Variants in ZBTB40 observed in about 807,000 individuals in gnomAD.
The protein encoded by ZBTB40 is zinc finger and BTB domain containing 40.
ZBTB40 carries 60 observed loss-of-function variants against 117.5 expected under a neutral mutation model. The ratio of observed to expected loss-of-function variants is 0.51; its 90% CI spans 0.41 to 0.63. The LOEUF (loss-of-function observed/expected upper bound fraction) is 0.63. Ranked by LOEUF, ZBTB40 falls within the 30% of genes least tolerant of loss-of-function variation. The pLI, the probability that ZBTB40 is intolerant of heterozygous loss-of-function variation, is 0.00. For synonymous variants in ZBTB40, 525 were observed against 577.1 expected, an observed-to-expected ratio of 0.91 and a Z score of 1.29; for missense variants, 1,287 against 1,498.5, an observed-to-expected ratio of 0.86 and a Z score of 2.33.
At chr1:22,488,120 C>A (rs1638525349) in intron 1 of ZBTB40, among the ~76,000 whole-genome samples, 1 of 152,184 alleles carries the variant, frequency 6.6e-6, no homozygotes, top group South Asian at 2.1e-4. Flanking sequence ...AACTCCTGGA[C>A]TCTCCTATCC....
intron 1 of ZBTB40, among the ~76,000 whole-genome samples, chr1:22,435,348 C>A (rs1422974947): frequency 6.6e-6 from 1 of 152,132 alleles, no homozygotes; most frequent in Non-Finnish European, 1.5e-5. Context: ...TTTTATCTTG[C>A]CTTGCTATTG....
upstream of ZBTB40, among the ~76,000 whole-genome samples, chr1:22,449,216 CTCGGGCA>C (rs1477026323): frequency 6.6e-6 from 1 of 152,134 alleles, no homozygotes; most frequent in Non-Finnish European, 1.5e-5. Context: ...GCAGAGGCAC[CTCGGGCA>C]TCTTACACTG....
In ZBTB40 at chr1:22,512,129, C is replaced by T. The variant is rs773704653; in HGVS notation, c.2456C>T (p.Ala819Val). Reference sequence around the variant, plus strand: ...CTCTGTGGCAGAGAATTTGCCCATGCCTCAGGTACGTTCAAGAAGGCAAAG... The same window carrying T: ...CTCTGTGGCAGAGAATTTGCCCATGTCTCAGGTACGTTCAAGAAGGCAAAG... ...CDLCGREFAHASGMQYHKLTE... is the reference protein window; with the variant it reads ...CDLCGREFAHVSGMQYHKLTE... The change falls in exon 11 of 18, where the codon GCC (alanine) becomes GTC (valine). Residue 819 changes from alanine to valine, a missense_variant. By Grantham distance (64) the Ala-to-Val change is moderately conservative. Coordinates refer to ENST00000375647, the MANE Select transcript of ZBTB40 (RefSeq NM_014870.4). 1.2e-6 allele frequency: 2 copies of T among 1,612,896 alleles called. No homozygotes were observed. The highest frequency in any genetic ancestry group is 1.7e-6 in the Non-Finnish European group (2 of 1,180,016).
intron 13 of ZBTB40, 46 bp downstream of exon 13, chr1:22,517,510 C>CTGGGAAAGCGTGTCAAT: frequency 6.3e-7 from 1 of 1,591,054 alleles, no homozygotes; most frequent in Non-Finnish European, 8.6e-7. Flanking sequence ...CAGCCTGGCA[C>CTGGGAAAGCGTGTCAAT]TGGGAAAGCG....
At chr1:22,522,927 C>T (rs1009797206) in intron 16 of ZBTB40, among the ~76,000 whole-genome samples, 22 of 139,300 alleles carry the variant, frequency 1.6e-4, no homozygotes, top group Non-Finnish European at 3.1e-4. Context: ...CCACCATGCT[C>T]GACTAAATAA....
chr1:22,519,747 A>T, intron 13 of ZBTB40: 21 of 389,774 alleles, frequency 5.4e-5, no homozygotes, highest in East Asian at 1.2e-4. Context: ...CCAGGGTGAA[A>T]CTCCCTGGAA....
chr1:22,449,617 T>C (rs1016856744), upstream of ZBTB40, among the ~76,000 whole-genome samples: 9 of 152,220 alleles, frequency 5.9e-5, no homozygotes, highest in Non-Finnish European at 1.3e-4. Flanking sequence ...TTGGGAGATG[T>C]CTAAAACAAT....
At chr1:22,446,032 C>T (rs927396510) in intron 1 of ZBTB40, among the ~76,000 whole-genome samples, 14 of 151,808 alleles carry the variant, frequency 9.2e-5, no homozygotes, top group African/African-American at 2.7e-4. Flanking sequence ...AAGGAGACAG[C>T]GTGCAAGAAC....
At chr1:22,433,388 G>A (rs1476308044) in intron 1 of ZBTB40, among the ~76,000 whole-genome samples, 4 of 121,874 alleles carry the variant, frequency 3.3e-5, no homozygotes, top group Admixed American at 1.0e-4. Flanking sequence ...AGCCAATATC[G>A]CACCACTGCA....
intron 3 of ZBTB40, among the ~76,000 whole-genome samples, chr1:22,494,409 G>A (rs942028036): frequency 6.6e-6 from 1 of 152,182 alleles, no homozygotes; most frequent in East Asian, 1.9e-4. Context: ...TCAGTCTCTA[G>A]CAATGTATAG....
Position 22,517,462 on chromosome 1 carries a change from A to G in ZBTB40, c.2831A>G (p.His944Arg). The stretch of plus-strand genomic sequence containing the variant: ...CTCTCCATCCATCTGCACACCTTTC[A>G]CAGTATGTAGAGACTGTGGATCTCA... Reference protein sequence around the residue: ...NGLSIHLHTFHNIEDPYDCKK... With the variant: ...NGLSIHLHTFRNIEDPYDCKK... The change falls in exon 13 of 18, where the codon CAC becomes CGC. Residue 944 changes from histidine (H) to arginine (R), a missense_variant and splice_region_variant. Physicochemically the swap from His to Arg is conservative, Grantham distance 29. Around this residue, in one of 2 missense-constraint regions of ZBTB40, gnomAD observed 417 missense variants for 564.1 expected, o/e 0.74. Transcript: ENST00000375647. 6.2e-7 allele frequency: 1 copy of G among 1,613,550 alleles called. No homozygotes were observed. Among genetic ancestry groups the G allele is most frequent in the Non-Finnish European group, 8.5e-7 (1 of 1,179,888 alleles).
chr1:22,494,833 G>A (rs1304291969), intron 3 of ZBTB40, among the ~76,000 whole-genome samples: 1 of 152,168 alleles, frequency 6.6e-6, no homozygotes, highest in Non-Finnish European at 1.5e-5. Flanking sequence ...CCTGCCACGT[G>A]TGTGATTATT....
chr1:22,517,825 G>A (rs572943765), intron 13 of ZBTB40, among the ~76,000 whole-genome samples: 24 of 152,208 alleles, frequency 1.6e-4, no homozygotes, highest in African/African-American at 5.3e-4. Flanking sequence ...GCCTTTTCCC[G>A]TAGGAGCAGT....
chr1:22,508,213 T>G, intron 7 of ZBTB40, 76 bp downstream of exon 7: 1 of 1,500,756 alleles, frequency 6.7e-7, no homozygotes, highest in African/African-American at 1.4e-5. Context: ...CACACACACA[T>G]TTATATTTTC....
At chr1:22,473,472 T>C (rs1442177926) in intron 1 of ZBTB40, among the ~76,000 whole-genome samples, 2 of 152,158 alleles carry the variant, frequency 1.3e-5, no homozygotes, top group African/African-American at 2.4e-5. Context: ...GGAGGTGATA[T>C]GGAGAAAGAG....
At position 22,517,363 on chromosome 1, in the gene ZBTB40, A is replaced by T; in HGVS notation, c.2732A>T (p.His911Leu). The change falls in exon 13 of 18, where the codon CAC becomes CTC. Residue 911 changes from histidine (H) to leucine (L), a missense_variant. His to Leu is a moderately conservative substitution (Grantham distance 99, BLOSUM62 -3). Coordinates refer to ENST00000375647, the MANE Select transcript of ZBTB40 (RefSeq NM_014870.4). Reference protein sequence around the residue: ...VFAQSIELSRHVRTHTGDKPY... With the variant: ...VFAQSIELSRLVRTHTGDKPY... ...GCCCAGTCTATTGAGCTGTCCCGCC[A>T]CGTGAGGACCCACACCGGGGACAAG... 1 of 1,614,198 alleles carries T rather than the reference A, an allele frequency of 6.2e-7. No homozygotes were observed. The highest frequency in any genetic ancestry group is 8.5e-7 in the Non-Finnish European group (1 of 1,180,034).
At chr1:22,460,863 A>G (rs1221313841) in intron 1 of ZBTB40, among the ~76,000 whole-genome samples, 1 of 152,164 alleles carries the variant, frequency 6.6e-6, no homozygotes, top group Non-Finnish European at 1.5e-5. Flanking sequence ...CTTCCCATCT[A>G]CGAATTCACA....
chr1:22,512,158 CAG>C lies in ZBTB40; in HGVS notation c.2461+27_2461+28del. 3.1e-6 allele frequency: 5 copies of C among 1,611,532 alleles called. No homozygotes were observed. In the South Asian group the frequency reaches 3.3e-5, roughly 11 times the overall value. Reference sequence around the variant, plus strand: ...AGGTACGTTCAAGAAGGCAAAGGAACAGAGGATGATAATTGTGGGTTTTATAG... The same window carrying C: ...AGGTACGTTCAAGAAGGCAAAGGAACAGGATGATAATTGTGGGTTTTATAG... On this transcript the variant is annotated intron_variant, in intron 11 of 17. Coordinates refer to ENST00000375647, the MANE Select transcript of ZBTB40 (RefSeq NM_014870.4).
chr1:22,468,467 T>A (rs1433345921), intron 1 of ZBTB40, among the ~76,000 whole-genome samples: 1 of 96,908 alleles, frequency 1.0e-5, no homozygotes, highest in East Asian at 3.1e-4. Context: ...AATGTTTCCT[T>A]TTTTTTTTTT....
Sources: allele counts gnomAD v4.1 joint callset (sites outside exome capture counted in the v4.1 genomes callset), GRCh38; gene constraint gnomAD v4.1.1; regional missense constraint gnomAD v4.1.1; transcripts MANE v1.5; gene names NCBI Gene and HGNC (gene_info 2026-07-23, HGNC 2026-07-21).